Variants in GALNT17 observed in about 807,000 individuals in gnomAD.
The protein encoded by GALNT17 is polypeptide N-acetylgalactosaminyltransferase 17.
A neutral mutation model predicts 63.7 loss-of-function variants in GALNT17; 29 were observed. That is an observed-to-expected ratio of 0.46 (90% CI 0.34 to 0.62). The LOEUF (loss-of-function observed/expected upper bound fraction) is 0.62. Ranked by LOEUF, GALNT17 falls within the 20% of genes least tolerant of loss-of-function variation. The pLI is 0.01. For synonymous variants in GALNT17, 305 were observed against 318.3 expected, an observed-to-expected ratio of 0.96 and a Z score of 0.45; for missense variants, 603 against 799.6, an observed-to-expected ratio of 0.75 and a Z score of 2.97.
intron 9 of GALNT17, among the ~76,000 whole-genome samples, chr7:71,693,997 C>T (rs1419772836): frequency 6.6e-6 from 1 of 151,938 alleles, no homozygotes; most frequent in Admixed American, 6.6e-5. Flanking sequence ...AAAGTCGTAC[C>T]TGAGACTGGG....
intron 6 of GALNT17, among the ~76,000 whole-genome samples, chr7:71,586,363 T>G (rs761230486): frequency 7.9e-5 from 12 of 152,340 alleles, no homozygotes; most frequent in East Asian, 7.7e-4. Flanking sequence ...AGCAACACAG[T>G]CTTTGTCGTT....
At chr7:71,198,125 G>A (rs572454516) in intron 1 of GALNT17, among the ~76,000 whole-genome samples, 5 of 151,208 alleles carry the variant, frequency 3.3e-5, no homozygotes, top group South Asian at 2.1e-4. Flanking sequence ...TTGAACCCAG[G>A]AGGCGGAGGT....
At chr7:71,263,945 C>T (rs1790441401) in intron 1 of GALNT17, among the ~76,000 whole-genome samples, 1 of 152,034 alleles carries the variant, frequency 6.6e-6, no homozygotes, top group Non-Finnish European at 1.5e-5. Context: ...AAAACAACTT[C>T]AGCAATCTGA....
chr7:71,712,245 G>A lies in GALNT17; in HGVS notation c.*99G>A. ...CTGGCGGAGAGACAGCAAGGGGCCGGCAGGTGCTCGATGGGCCCCCCAGGG... is the reference window on the plus strand; with the variant it reads ...CTGGCGGAGAGACAGCAAGGGGCCGACAGGTGCTCGATGGGCCCCCCAGGG... On this transcript the variant is annotated 3_prime_UTR_variant, in exon 11 of 11. Transcript: ENST00000333538. The A allele has an allele frequency of 6.6e-7, 1 of 1,505,450 alleles. No individual in the cohort carries two copies. Among genetic ancestry groups the A allele is most frequent in the Non-Finnish European group, 8.8e-7 (1 of 1,130,112 alleles). The allele number at this position is 1,505,450 out of a possible 1,614,324, so 93.3% of individuals were successfully genotyped here. A position where few individuals can be genotyped will look rare whatever the true frequency, so the allele number is the denominator to read the frequency against.
intron 6 of GALNT17, among the ~76,000 whole-genome samples, chr7:71,616,806 A>G (rs908566868): frequency 4.9e-5 from 5 of 102,008 alleles, no homozygotes; most frequent in Admixed American, 1.9e-4. Flanking sequence ...TAGTGTATAC[A>G]TTAGTTAATT....
intron 1 of GALNT17, among the ~76,000 whole-genome samples, chr7:71,155,403 A>G (rs1788216550): frequency 6.6e-6 from 1 of 151,516 alleles, no homozygotes; most frequent in Non-Finnish European, 1.5e-5. Context: ...CCGCCACAGT[A>G]GCTGGGACCA....
At chr7:71,438,151 G>A (rs539292235) in intron 5 of GALNT17, among the ~76,000 whole-genome samples, 61 of 152,304 alleles carry the variant, frequency 4.0e-4, no homozygotes, top group African/African-American at 1.2e-3. Flanking sequence ...ATGTATGTAT[G>A]TATGTATATG....
At chr7:71,654,377 C>G (rs1477163057) in intron 6 of GALNT17, among the ~76,000 whole-genome samples, 1 of 152,168 alleles carries the variant, frequency 6.6e-6, no homozygotes, top group African/African-American at 2.4e-5. Context: ...AGAGGTTGGA[C>G]TCAAGAAGCA....
At chr7:71,302,812 A>C (rs966640147) in intron 1 of GALNT17, among the ~76,000 whole-genome samples, 1 of 152,210 alleles carries the variant, frequency 6.6e-6, no homozygotes, top group Non-Finnish European at 1.5e-5. Context: ...ATTTTTATGC[A>C]TGTAATTAAC....
intron 6 of GALNT17, among the ~76,000 whole-genome samples, chr7:71,576,005 G>T (rs1256775515): frequency 2.0e-5 from 3 of 151,806 alleles, no homozygotes; most frequent in African/African-American, 7.3e-5. Context: ...ATTAACAAAG[G>T]GTATTATAGT....
At chr7:71,436,226 G>A (rs1457247510) in intron 5 of GALNT17, among the ~76,000 whole-genome samples, 2 of 151,944 alleles carry the variant, frequency 1.3e-5, no homozygotes, top group Non-Finnish European at 2.9e-5. Flanking sequence ...CTGTAGTCTC[G>A]GACACTCAGG....
chr7:71,165,793 G>T (rs1292287412), intron 1 of GALNT17, among the ~76,000 whole-genome samples: 1 of 152,166 alleles, frequency 6.6e-6, no homozygotes, highest in Non-Finnish European at 1.5e-5. Context: ...TATAGGTGCA[G>T]AATTGAACCG....
intron 2 of GALNT17, among the ~76,000 whole-genome samples, chr7:71,358,155 G>A (rs575337463): frequency 8.7e-4 from 132 of 152,216 alleles, no homozygotes; most frequent in African/African-American, 2.9e-3. Context: ...ATGAAGATCC[G>A]CGGCTCCATT....
intron 1 of GALNT17, 133 bp from the exon 2 acceptor site, chr7:71,335,417 T>G: frequency 1.1e-6 from 1 of 896,062 alleles, no homozygotes; most frequent in Admixed American, 3.5e-5. Flanking sequence ...ATACCTGAGT[T>G]GGATAAATTG....
intron 9 of GALNT17, among the ~76,000 whole-genome samples, chr7:71,695,685 C>G (rs1437896792): frequency 2.0e-5 from 3 of 152,210 alleles, no homozygotes; most frequent in African/African-American, 7.2e-5. Context: ...AACCCCAGCT[C>G]TCAGGCAGCC....
At chr7:71,327,626 G>A (rs956552409) in intron 1 of GALNT17, among the ~76,000 whole-genome samples, 1 of 152,146 alleles carries the variant, frequency 6.6e-6, no homozygotes, top group Non-Finnish European at 1.5e-5. Flanking sequence ...GAGACAGGTA[G>A]CACACTCAGA....
intron 6 of GALNT17, among the ~76,000 whole-genome samples, chr7:71,572,809 G>A (rs905884975): frequency 6.6e-6 from 1 of 152,014 alleles, no homozygotes; most frequent in Non-Finnish European, 1.5e-5. Flanking sequence ...GTGAGGCTCT[G>A]CAGGCTTGGT....
chr7:71,668,941 G>C (rs1379243712), intron 7 of GALNT17, among the ~76,000 whole-genome samples: 1 of 152,146 alleles, frequency 6.6e-6, no homozygotes. Flanking sequence ...AAATTTTGCA[G>C]GTATAGGAAA....
chr7:71,400,788 A>G (rs1415892627), intron 3 of GALNT17, among the ~76,000 whole-genome samples: 2 of 152,218 alleles, frequency 1.3e-5, no homozygotes, highest in African/African-American at 4.8e-5. Context: ...GAATCACATG[A>G]TGACTGATTG....
Sources: allele counts gnomAD v4.1 joint callset (sites outside exome capture counted in the v4.1 genomes callset), GRCh38; gene constraint gnomAD v4.1.1; transcripts MANE v1.5; gene names NCBI Gene and HGNC (gene_info 2026-07-23, HGNC 2026-07-21).